Variants in PAH observed in about 807,000 individuals in gnomAD.
PAH encodes phenylalanine-4-hydroxylase.
A neutral mutation model predicts 62.0 loss-of-function variants in PAH; 64 were observed. That is an observed-to-expected ratio of 1.03 (90% confidence interval 0.84 to 1.27). PAH has a LOEUF of 1.27. Among genes scored for constraint, PAH ranks in the 50% most tolerant of loss-of-function variants. The pLI is 0.00. For missense variants in PAH, 579 were observed against 542.8 expected (o/e 1.07, Z -0.66); for synonymous variants, 195 against 196.2 (o/e 0.99, Z 0.05).
At chr12:102,956,464 C>T (rs1208939091) in intron 1 of PAH, among the ~76,000 whole-genome samples, 1 of 152,140 alleles carries the variant, frequency 6.6e-6, no homozygotes, top group African/African-American at 2.4e-5. Context: ...GGCGCCAGCA[C>T]GCGGCCCCGC....
At chr12:102,918,318 C>T (rs923345065), upstream of PAH, among the ~76,000 whole-genome samples, 1 of 152,102 alleles carries the variant, frequency 6.6e-6, no homozygotes, top group Non-Finnish European at 1.5e-5. Context: ...AACTCAGGGG[C>T]CTCAAGCCTT....
chr12:102,872,793 C>T (rs910989443), intron 4 of PAH, among the ~76,000 whole-genome samples: 1 of 152,084 alleles, frequency 6.6e-6, no homozygotes, highest in African/African-American at 2.4e-5. Flanking sequence ...CATGACGAAA[C>T]CCCATCTCTA....
chr12:102,844,586 G>A (rs1277792286), intron 9 of PAH, among the ~76,000 whole-genome samples, 155 bp from the exon 10 acceptor site: 2 of 152,230 alleles, frequency 1.3e-5, no homozygotes, highest in African/African-American at 4.8e-5. Context: ...TGGCATGTGA[G>A]TCAGTGGACT....
intron 8 of PAH, among the ~76,000 whole-genome samples, chr12:102,848,301 C>T (rs538124681): frequency 2.4e-4 from 34 of 141,132 alleles, no homozygotes; most frequent in African/African-American, 9.8e-4. Context: ...TAAGTGTAGA[C>T]AGGACACCAG....
At chr12:102,845,810 G>A (rs1874813864) in intron 9 of PAH, among the ~76,000 whole-genome samples, 1 of 152,152 alleles carries the variant, frequency 6.6e-6, no homozygotes, top group Admixed American at 6.5e-5. Flanking sequence ...ATTAAGGGCA[G>A]CAAGAATCCA....
Position 102,851,712 on chromosome 12 carries a change from T to C in PAH, c.887A>G (p.Asp296Gly), listed in dbSNP as rs281865446. 6.2e-7 allele frequency: 1 copy of C among 1,614,056 alleles called. No homozygotes were observed. The highest frequency in any genetic ancestry group is 8.5e-7 in the Non-Finnish European group (1 of 1,179,960). Residue 296 changes from aspartate to glycine, a missense_variant, in exon 8 of 13, where the codon GAT (aspartate) becomes GGT (glycine). By Grantham distance (94) the Asp-to-Gly change is moderately conservative. Transcript: ENST00000553106. ...CTGGGAAAACTGGGCAAAGCTGCGATCTGAAAACAAGGGCACATGTCCCAA... is the reference window on the plus strand; with the variant it reads ...CTGGGAAAACTGGGCAAAGCTGCGACCTGAAAACAAGGGCACATGTCCCAA... The part of the protein sequence containing the change: ...ELLGHVPLFS[D>G]RSFAQFSQEI...
chr12:102,861,758 A>C (rs1364876352), intron 5 of PAH, among the ~76,000 whole-genome samples: 3 of 151,966 alleles, frequency 2.0e-5, no homozygotes, highest in Admixed American at 1.3e-4. Context: ...GCATGTTCTC[A>C]CTCATAGGTG....
Position 102,888,214 on chromosome 12 carries a change from G to C in PAH, c.352+6521C>G, listed in dbSNP as rs139515196. 1.3e-4 allele frequency among the ~76,000 whole-genome samples: 20 copies of C among 152,168 alleles called. No individual in the cohort carries two copies. In the East Asian group the frequency reaches 3.9e-3, roughly 29 times the overall value. ...ATCCACACAACCACACTGGTACCTG[G>C]ATTTCTTCATTTGCAGATGAGAAAA... is the stretch of plus-strand genomic sequence containing the variant. On this transcript the variant is annotated intron_variant, in intron 3 of 12. Transcript: ENST00000553106.
At chr12:102,861,689 G>T (rs1272508789) in intron 5 of PAH, among the ~76,000 whole-genome samples, 1 of 152,100 alleles carries the variant, frequency 6.6e-6, no homozygotes, top group Non-Finnish European at 1.5e-5. Flanking sequence ...TAGGGACATG[G>T]GTGAAACTGG....
At chr12:102,937,036 T>G (rs184945682) in intron 1 of PAH, among the ~76,000 whole-genome samples, 1 of 152,302 alleles carries the variant, frequency 6.6e-6, no homozygotes, top group African/African-American at 2.4e-5. Flanking sequence ...ATAAGGGGCT[T>G]TTCCCCCTCT....
At chr12:102,888,270 C>T (rs968665225) in intron 3 of PAH, among the ~76,000 whole-genome samples, 21 of 152,106 alleles carry the variant, frequency 1.4e-4, no homozygotes, top group Non-Finnish European at 2.5e-4. Flanking sequence ...GCAACTTGGC[C>T]GAACAGCTAC....
At chr12:102,858,829 T>C (rs1875570548) in intron 5 of PAH, among the ~76,000 whole-genome samples, 1 of 152,150 alleles carries the variant, frequency 6.6e-6, no homozygotes, top group Non-Finnish European at 1.5e-5. Flanking sequence ...AGGCAGTGTG[T>C]AGAGGGAAAT....
At chr12:102,946,775 G>A (rs887898316) in intron 1 of PAH, 1 of 152,124 alleles carries the variant, frequency 6.6e-6, no homozygotes, top group Non-Finnish European at 1.5e-5. Flanking sequence ...ATGCTTTTTT[G>A]TGTGGATAGT....
chr12:102,868,812 T>G (rs767550530), intron 4 of PAH, among the ~76,000 whole-genome samples: 30 of 152,204 alleles, frequency 2.0e-4, no homozygotes, highest in Admixed American at 7.2e-4. Flanking sequence ...GTAATATTGG[T>G]CAGTCATTAA....
chr12:102,854,212 A>G (rs1176644874), intron 6 of PAH, among the ~76,000 whole-genome samples: 2 of 151,918 alleles, frequency 1.3e-5, no homozygotes, highest in African/African-American at 2.4e-5. Flanking sequence ...CTCACCCCCA[A>G]ACTGTCCTGG....
chr12:102,849,784 G>C (rs1875067589), intron 8 of PAH, among the ~76,000 whole-genome samples: 1 of 152,106 alleles, frequency 6.6e-6, no homozygotes, highest in Non-Finnish European at 1.5e-5. Flanking sequence ...ACAACAAGGG[G>C]GGCCCCACAT....
chr12:102,859,323 C>T (rs1329094085), intron 5 of PAH, among the ~76,000 whole-genome samples: 1 of 152,120 alleles, frequency 6.6e-6, no homozygotes, highest in African/African-American at 2.4e-5. Context: ...GAAATTGAGG[C>T]AATAATTAAT....
At chr12:102,932,766 TAAG>T (rs890420401) in intron 1 of PAH, among the ~76,000 whole-genome samples, 1 of 152,160 alleles carries the variant, frequency 6.6e-6, no homozygotes, top group Non-Finnish European at 1.5e-5. Context: ...TGGGTTCTTA[TAAG>T]AATAATGGGA....
chr12:102,861,818 C>T (rs370728129), intron 5 of PAH, among the ~76,000 whole-genome samples: 17 of 151,982 alleles, frequency 1.1e-4, no homozygotes, highest in African/African-American at 2.7e-4. Context: ...ACATCACACA[C>T]GGGCCTGTTG....
Sources: allele counts gnomAD v4.1 joint callset (sites outside exome capture counted in the v4.1 genomes callset), GRCh38; gene constraint gnomAD v4.1.1; transcripts MANE v1.5; gene names NCBI Gene and HGNC (gene_info 2026-07-23, HGNC 2026-07-21).